The following UBE2N variants were observed in gnomAD, a reference collection of about 807,000 sequenced individuals.
The protein encoded by UBE2N is ubiquitin conjugating enzyme E2 N, also known as ubiquitin-conjugating enzyme E2 N.
For missense variants in UBE2N, 60 were observed against 192.1 expected (o/e 0.31, Z 4.07); for synonymous variants, 70 against 69.2 (o/e 1.01, Z -0.06).
Position 93,409,898 on chromosome 12 carries a change from C to T in UBE2N, c.*141G>A. 1.3e-6 allele frequency: 1 copy of T among 758,482 alleles called. No individual in the cohort carries two copies. The highest frequency in any genetic ancestry group is 2.2e-6 in the Non-Finnish European group (1 of 449,804). The allele number at this position is 758,482 out of a possible 1,614,324, so 47.0% of individuals were successfully genotyped here. ...GACAAGACATAGATTTGCTAATGTG[C>T]ATTTAATCACCAAAGGACTGAAGAT... On this transcript the variant is annotated 3_prime_UTR_variant, in exon 4 of 4. Coordinates refer to ENST00000318066, the MANE Select transcript of UBE2N (RefSeq NM_003348.4).
chr12:93,435,496 C>G (rs552545110), intron 1 of UBE2N, among the ~76,000 whole-genome samples: 1 of 151,850 alleles, frequency 6.6e-6, no homozygotes, highest in Non-Finnish European at 1.5e-5. Context: ...AAAAAATGTT[C>G]AAGGCAGAGA....
At chr12:93,433,410 G>C (rs1878828023) in intron 1 of UBE2N, among the ~76,000 whole-genome samples, 1 of 152,022 alleles carries the variant, frequency 6.6e-6, no homozygotes, top group Non-Finnish European at 1.5e-5. Context: ...CTTCACTTGG[G>C]AAGAAATTTT....
intron 1 of UBE2N, among the ~76,000 whole-genome samples, chr12:93,411,687 T>C (rs1166792770): frequency 2.0e-5 from 3 of 152,020 alleles, no homozygotes; most frequent in Non-Finnish European, 4.4e-5. Context: ...TTGGTGGTTT[T>C]TTTTGGCTTG....
At chr12:93,415,325 T>C (rs1878172356) in intron 1 of UBE2N, among the ~76,000 whole-genome samples, 1 of 152,178 alleles carries the variant, frequency 6.6e-6, no homozygotes, top group Non-Finnish European at 1.5e-5. Flanking sequence ...GAAATAGTCA[T>C]AAGATGTAAA....
At chr12:93,415,023 T>G (rs922093671) in intron 1 of UBE2N, among the ~76,000 whole-genome samples, 1 of 152,174 alleles carries the variant, frequency 6.6e-6, no homozygotes, top group Non-Finnish European at 1.5e-5. Flanking sequence ...TTAACATCAT[T>G]AAGGCAGGGT....
intron 1 of UBE2N, chr12:93,429,395 A>C (rs991108047): frequency 2.6e-6 from 1 of 387,540 alleles, no homozygotes; most frequent in Non-Finnish European, 5.0e-6. Flanking sequence ...AGTCTGATTC[A>C]GTGGTACTTT....
intron 1 of UBE2N, among the ~76,000 whole-genome samples, chr12:93,424,550 T>G (rs1394791175): frequency 6.6e-6 from 1 of 152,136 alleles, no homozygotes; most frequent in Non-Finnish European, 1.5e-5. Context: ...TGAGATAAAT[T>G]AGGAAACATG....
intron 1 of UBE2N, among the ~76,000 whole-genome samples, chr12:93,411,919 T>C (rs1443949683): frequency 6.6e-6 from 1 of 152,118 alleles, no homozygotes; most frequent in African/African-American, 2.4e-5. Context: ...CTTGAACTCC[T>C]GGCCTCAAGT....
rs568899847 is a variant in UBE2N, at chr12:93,430,962, C to G, written c.30+10893G>C. Among the ~76,000 whole-genome samples the G allele has an allele frequency of 1.9e-3, 287 of 150,898 alleles. 1 individual carries two copies. The highest frequency in any genetic ancestry group is 6.3e-3 in the African/African-American group (260 of 41,168). ...AAAAAAACACAGCCAAGCGCAGTGG[C>G]TCATGCCTGTAATCCCAGCACTTTG... On this transcript the variant is annotated intron_variant, in intron 1 of 3. Coordinates refer to ENST00000318066, the MANE Select transcript of UBE2N (RefSeq NM_003348.4).
In UBE2N at chr12:93,431,436, T is replaced by C. The variant is rs551401965; in HGVS notation, c.30+10419A>G. ...AATCAGACCACCTGGGTTCAAATCA[T>C]AGCTCTAGAAACTAATAAGTCCCTC... On this transcript the variant is annotated intron_variant, in intron 1 of 3. Coordinates refer to ENST00000318066, the MANE Select transcript of UBE2N (RefSeq NM_003348.4). Among the ~76,000 whole-genome samples the C allele has an allele frequency of 7.2e-5, 11 of 152,310 alleles. No individual in the cohort carries two copies. In the East Asian group the frequency reaches 9.6e-4, roughly 13 times the overall value.
At chr12:93,415,012 G>A (rs561349353) in intron 1 of UBE2N, among the ~76,000 whole-genome samples, 8 of 152,186 alleles carry the variant, frequency 5.3e-5, no homozygotes, top group South Asian at 2.1e-4. Flanking sequence ...GAATTTCATC[G>A]TTAACATCAT....
rs1877939123 is a variant in UBE2N, at chr12:93,408,646, G to A, written c.*1393C>T. On this transcript the variant is annotated 3_prime_UTR_variant, in exon 4 of 4. Coordinates refer to ENST00000318066, the MANE Select transcript of UBE2N (RefSeq NM_003348.4). Reference sequence around the variant, plus strand: ...GGGAAAGAACAGTTTTGTGAGGGGAGGAATTCGTCAATAAAGAAGAAAAAT... The same window carrying A: ...GGGAAAGAACAGTTTTGTGAGGGGAAGAATTCGTCAATAAAGAAGAAAAAT... 1 of 152,034 alleles carries A rather than the reference G, an allele frequency of 6.6e-6. No individual in the cohort carries two copies. Among genetic ancestry groups the A allele is most frequent in the Non-Finnish European group, 1.5e-5 (1 of 68,014 alleles). 9.4% of individuals were successfully genotyped at this position (152,034 alleles called of 1,614,324 possible).
chr12:93,426,803 A>C (rs1878602958), intron 1 of UBE2N, among the ~76,000 whole-genome samples: 2 of 152,130 alleles, frequency 1.3e-5, no homozygotes, highest in Non-Finnish European at 2.9e-5. Context: ...TCTGCAGATA[A>C]GGGAGTGTTA....
intron 3 of UBE2N, chr12:93,410,334 A>G: frequency 2.0e-6 from 1 of 497,894 alleles, no homozygotes; most frequent in Non-Finnish European, 3.5e-6. Flanking sequence ...TAGATACACA[A>G]TTCTCCCCAC....
intron 1 of UBE2N, among the ~76,000 whole-genome samples, chr12:93,423,473 A>G (rs1469393163): frequency 6.6e-6 from 1 of 152,184 alleles, no homozygotes; most frequent in Admixed American, 6.6e-5. Context: ...AAGTCAACCA[A>G]TCTCTTTATC....
chr12:93,437,134 T>C (rs1249974580), intron 1 of UBE2N, among the ~76,000 whole-genome samples: 1 of 147,104 alleles, frequency 6.8e-6, no homozygotes, highest in African/African-American at 2.5e-5. Context: ...TTTGAAAAAA[T>C]AAAATAAAGT....
intron 1 of UBE2N, among the ~76,000 whole-genome samples, chr12:93,436,463 T>C (rs1878936845): frequency 6.6e-6 from 1 of 152,218 alleles, no homozygotes; most frequent in African/African-American, 2.4e-5. Context: ...CAACGTAACA[T>C]GTAAAGCTGA....
At chr12:93,414,835 T>A (rs577004103) in intron 1 of UBE2N, among the ~76,000 whole-genome samples, 1 of 152,344 alleles carries the variant, frequency 6.6e-6, no homozygotes, top group African/African-American at 2.4e-5. Flanking sequence ...TCATTTCTAC[T>A]TATTTTGTTC....
chr12:93,425,083 G>A (rs377497381), intron 1 of UBE2N, among the ~76,000 whole-genome samples: 3 of 152,186 alleles, frequency 2.0e-5, no homozygotes, highest in African/African-American at 7.2e-5. Flanking sequence ...ATAAGGCTCA[G>A]TATTACGTTA....
Sources: gnomAD v4.1 joint callset for allele counts (sites outside exome capture counted in the v4.1 genomes callset) on GRCh38, gnomAD v4.1.1 for gene constraint, MANE v1.5 for transcripts, NCBI Gene and HGNC (gene_info 2026-07-23, HGNC 2026-07-21) for gene names.